MYRIP: variants seen among roughly 807,000 people sequenced by gnomAD.
MYRIP encodes the protein myosin VIIA and Rab interacting protein.
MYRIP carries 49 observed loss-of-function variants against 98.0 expected under a neutral mutation model. That is an observed-to-expected ratio of 0.50 (90% CI 0.40 to 0.63). The LOEUF (loss-of-function observed/expected upper bound fraction) is 0.63. Among genes scored for constraint, MYRIP ranks in the 30% least tolerant of loss-of-function variants. MYRIP has a pLI of 0.00. For synonymous variants in MYRIP, 404 were observed against 409.5 expected (o/e 0.99, Z 0.16); for missense variants, 1,004 against 1,058.2 (o/e 0.95, Z 0.71).
intron 10 of MYRIP, among the ~76,000 whole-genome samples, chr3:40,200,152 C>A (rs1951515629): frequency 9.1e-6 from 1 of 109,528 alleles, no homozygotes; most frequent in Non-Finnish European, 2.1e-5. Flanking sequence ...CTTTTGAGGA[C>A]CTAATGGGTA....
At chr3:40,182,473 A>G (rs1950907794) in intron 9 of MYRIP, 100 bp downstream of exon 9, 4 of 1,361,474 alleles carry the variant, frequency 2.9e-6, no homozygotes, top group Non-Finnish European at 4.0e-6. Flanking sequence ...TCTTCCCATA[A>G]GTCTGAACTG....
At chr3:39,837,869 G>C (rs1345636771) in intron 1 of MYRIP, among the ~76,000 whole-genome samples, 1 of 152,148 alleles carries the variant, frequency 6.6e-6, no homozygotes. Context: ...TTTTCCATTT[G>C]TTCGTGTCCT....
chr3:39,878,997 C>T (rs77354027), intron 1 of MYRIP, among the ~76,000 whole-genome samples: 22,108 of 151,574 alleles, frequency 0.15, 1,638 homozygotes, highest in Middle Eastern at 0.19. Context: ...ACCTGGGAGG[C>T]GGAGGTTGCA....
intron 3 of MYRIP, among the ~76,000 whole-genome samples, chr3:40,106,359 T>A (rs1289104854): frequency 1.3e-5 from 2 of 152,202 alleles, no homozygotes; most frequent in African/African-American, 4.8e-5. Context: ...GATATGGAGA[T>A]CTAATATGCA....
At chr3:39,950,735 C>T (rs928535443) in intron 2 of MYRIP, among the ~76,000 whole-genome samples, 1 of 152,134 alleles carries the variant, frequency 6.6e-6, no homozygotes, top group African/African-American at 2.4e-5. Context: ...CTGATAGACT[C>T]CAGCTTGATA....
At position 40,102,447 on chromosome 3, in the gene MYRIP, G is replaced by C. The variant is rs573561357; in HGVS notation, c.333-48601G>C. Reference sequence around the variant, plus strand: ...TTACTTATGCTTCACCTGCTTTCTAGCTTCCCAGATGTTATTACTGTGGCC... The same window carrying C: ...TTACTTATGCTTCACCTGCTTTCTACCTTCCCAGATGTTATTACTGTGGCC... On this transcript the variant is annotated intron_variant, in intron 3 of 16. Transcript: ENST00000302541. Among the ~76,000 whole-genome samples, 9 of 152,278 alleles carry C rather than the reference G, an allele frequency of 5.9e-5. No individual in the cohort carries two copies. The East Asian group carries it at 1.7e-3, about 29-fold the overall frequency.
Position 40,070,623 on chromosome 3 carries a change from A to G in MYRIP, c.332+26352A>G, listed in dbSNP as rs1398116479. On this transcript the variant is annotated intron_variant, in intron 3 of 16. Coordinates refer to ENST00000302541, the MANE Select transcript of MYRIP (RefSeq NM_015460.4). ...TGGCATTAGATTCTCATAGGAGCAC[A>G]AACCCTATTGTGAATTGTGTGTGCG... 2.6e-5 allele frequency among the ~76,000 whole-genome samples: 4 copies of G among 152,142 alleles called. No individual in the cohort carries two copies. The South Asian group carries it at 6.2e-4, about 24-fold the overall frequency.
chr3:40,209,812 T>G (rs377387055), intron 10 of MYRIP, 42 bp from the exon 11 acceptor site: 9 of 1,610,548 alleles, frequency 5.6e-6, no homozygotes, highest in African/African-American at 1.3e-5. Flanking sequence ...AACATGGCTG[T>G]AGCAGAGGGC....
At chr3:40,205,298 A>G (rs1951761141) in intron 10 of MYRIP, among the ~76,000 whole-genome samples, 1 of 152,156 alleles carries the variant, frequency 6.6e-6, no homozygotes, top group Non-Finnish European at 1.5e-5. Flanking sequence ...CTGTCTTTTG[A>G]GCCTTTTGTT....
chr3:40,056,136 G>T (rs1226009256), intron 3 of MYRIP, among the ~76,000 whole-genome samples: 1 of 152,198 alleles, frequency 6.6e-6, no homozygotes, highest in African/African-American at 2.4e-5. Flanking sequence ...AAGATCATCA[G>T]CTTGCTTTGG....
intron 11 of MYRIP, among the ~76,000 whole-genome samples, chr3:40,218,655 T>TATATATATATATAC (rs1952230423): frequency 1.5e-5 from 2 of 131,378 alleles, no homozygotes; most frequent in African/African-American, 3.0e-5. Context: ...TATATATATA[T>TATATATATATATAC]ACATACACAC....
chr3:40,132,577 G>A (rs1357270882), intron 3 of MYRIP, among the ~76,000 whole-genome samples: 2 of 152,238 alleles, frequency 1.3e-5, no homozygotes, highest in Non-Finnish European at 2.9e-5. Flanking sequence ...AGCTAGACCA[G>A]GTACAGGCCC....
intron 3 of MYRIP, among the ~76,000 whole-genome samples, chr3:40,127,529 A>G (rs1949548059): frequency 6.6e-6 from 1 of 152,234 alleles, no homozygotes; most frequent in African/African-American, 2.4e-5. Flanking sequence ...AATGAAGGCC[A>G]CTTGCTGTAA....
intron 2 of MYRIP, among the ~76,000 whole-genome samples, chr3:39,950,659 A>G (rs905921099): frequency 3.3e-5 from 5 of 152,152 alleles, no homozygotes; most frequent in African/African-American, 1.2e-4. Flanking sequence ...TCACAGCGTG[A>G]TGGCCTCCGG....
intron 11 of MYRIP, among the ~76,000 whole-genome samples, chr3:40,221,554 C>G (rs369127319): frequency 6.6e-6 from 1 of 152,110 alleles, no homozygotes; most frequent in Non-Finnish European, 1.5e-5. Context: ...TCACTTAAGC[C>G]CAGGAAATGG....
At chr3:39,965,567 G>C (rs1945419557) in intron 2 of MYRIP, among the ~76,000 whole-genome samples, 1 of 152,128 alleles carries the variant, frequency 6.6e-6, no homozygotes, top group Non-Finnish European at 1.5e-5. Context: ...TATATTAGGA[G>C]ATTTATTGCA....
intron 16 of MYRIP, among the ~76,000 whole-genome samples, chr3:40,254,161 A>G (rs1953490631): frequency 6.6e-6 from 1 of 152,178 alleles, no homozygotes; most frequent in Non-Finnish European, 1.5e-5. Flanking sequence ...AGTCCCTATC[A>G]TTTTATGAGG....
At chr3:40,108,342 A>G (rs967772768) in intron 3 of MYRIP, among the ~76,000 whole-genome samples, 18 of 110,906 alleles carry the variant, frequency 1.6e-4, no homozygotes, top group African/African-American at 4.5e-4. Context: ...GAAATATCCA[A>G]TGAGCAGAGC....
At chr3:39,870,346 C>G (rs1481289597) in intron 1 of MYRIP, among the ~76,000 whole-genome samples, 2 of 44,148 alleles carry the variant, frequency 4.5e-5, no homozygotes, top group Non-Finnish European at 8.2e-5. Flanking sequence ...CACCATTGTT[C>G]CAATTTGTTC....
Sources: allele counts gnomAD v4.1 joint callset (sites outside exome capture counted in the v4.1 genomes callset), GRCh38; gene constraint gnomAD v4.1.1; transcripts MANE v1.5; gene names NCBI Gene and HGNC (gene_info 2026-07-23, HGNC 2026-07-21).